Variants in DIP2C observed in about 807,000 individuals in gnomAD.
The protein encoded by DIP2C is disco-interacting protein 2 homolog C.
DIP2C carries 33 observed loss-of-function variants against 192.4 expected under a neutral mutation model. The ratio of observed to expected loss-of-function variants is 0.17; its 90% CI spans 0.13 to 0.23. The LOEUF (loss-of-function observed/expected upper bound fraction) is 0.23. Ranked by LOEUF, DIP2C falls within the 10% of genes least tolerant of loss-of-function variation. The probability of loss-of-function intolerance (pLI) is 1.00; values close to 1 mark genes in which losing one functional copy is unlikely to be tolerated. For missense variants in DIP2C, 1,537 were observed against 2,110.1 expected, an observed-to-expected ratio of 0.73 and a Z score of 5.32; for synonymous variants, 979 against 864.1, an observed-to-expected ratio of 1.13 and a Z score of -2.33.
chr10:477,036 C>T (rs1843084858), intron 2 of DIP2C, among the ~76,000 whole-genome samples: 1 of 149,536 alleles, frequency 6.7e-6, no homozygotes, highest in Non-Finnish European at 1.5e-5. Flanking sequence ...ACGTCAGTGA[C>T]ATTTTTACTT....
chr10:345,094 C>G lies in DIP2C; in HGVS notation c.3248G>C (p.Cys1083Ser). Residue 1083 changes from cysteine to serine, a missense_variant, in exon 27 of 37, where the codon TGT (cysteine) becomes TCT (serine). Transcript: ENST00000280886. ...ACAGATCAGCTGTGTCGTCATCAGA[C>G]AGGCAGAGCGACTCACCTGGCATCA... Reference protein sequence around the residue: ...KMIVEVSRSACLMTTQLICKL... With the variant: ...KMIVEVSRSASLMTTQLICKL... 3.1e-6 allele frequency: 5 copies of G among 1,612,528 alleles called. No homozygotes were observed. Among genetic ancestry groups the G allele is most frequent in the Non-Finnish European group, 4.2e-6 (5 of 1,179,826 alleles).
In DIP2C at chr10:443,206, C is replaced by T. The variant is rs1244496733; in HGVS notation, c.269-2210G>A. On this transcript the variant is annotated intron_variant, in intron 3 of 36. Transcript: ENST00000280886. Reference sequence around the variant, plus strand: ...ACTATGTACATATTCTGTTTTTCATCGATCCTTCACTACTAGTTTTAGCAT... The same window carrying T: ...ACTATGTACATATTCTGTTTTTCATTGATCCTTCACTACTAGTTTTAGCAT... Among the ~76,000 whole-genome samples, 8 of 152,180 alleles carry T rather than the reference C, an allele frequency of 5.3e-5. No homozygotes were observed. The East Asian group carries it at 1.5e-3, about 29-fold the overall frequency.
intron 1 of DIP2C, among the ~76,000 whole-genome samples, chr10:551,428 C>T (rs1848581285): frequency 1.3e-5 from 2 of 152,178 alleles, no homozygotes; most frequent in South Asian, 4.1e-4. Flanking sequence ...GGCTGCAGGT[C>T]TGCACTCGGC....
intron 32 of DIP2C, among the ~76,000 whole-genome samples, chr10:300,505 TAG>T (rs1955975232): frequency 6.6e-6 from 1 of 151,034 alleles, no homozygotes; most frequent in Non-Finnish European, 1.5e-5. Flanking sequence ...GGATGGAGAG[TAG>T]AGATTTAATG....
At chr10:688,846 G>T (rs147699170) in intron 1 of DIP2C, among the ~76,000 whole-genome samples, 42 of 152,330 alleles carry the variant, frequency 2.8e-4, no homozygotes, top group Middle Eastern at 6.8e-3. Flanking sequence ...GGGGGAGGTT[G>T]ACGATTCCGC....
Position 651,171 on chromosome 10 carries a change from T to C in DIP2C, c.85+38323A>G. On this transcript the variant is annotated intron_variant, in intron 1 of 36. Coordinates refer to ENST00000280886, the MANE Select transcript of DIP2C (RefSeq NM_014974.3). This position sits in a 1 kb window ranked among gnomAD's most constrained non-coding sequence, Gnocchi z 4.1. ...TCAGGGGCACCTCCACCTGCCCAGG[T>C]CTGGGACCACCGTCCTCCACGCATA... 1.4e-6 allele frequency: 1 copy of C among 717,496 alleles called. No individual in the cohort carries two copies. 44.4% of individuals were successfully genotyped at this position (717,496 alleles called of 1,614,324 possible).
At chr10:384,239 G>C in intron 15 of DIP2C, 93 bp from the exon 16 acceptor site, 2 of 1,177,504 alleles carry the variant, frequency 1.7e-6, no homozygotes, top group Non-Finnish European at 2.3e-6. Context: ...GGGGAAGGGT[G>C]AAGAATCACT....
chr10:596,809 G>A (rs1385289416), intron 1 of DIP2C, among the ~76,000 whole-genome samples: 1 of 152,200 alleles, frequency 6.6e-6, no homozygotes, highest in East Asian at 1.9e-4. Context: ...CTGGGGTGGT[G>A]GGGAGCCTGT....
intron 1 of DIP2C, among the ~76,000 whole-genome samples, chr10:583,334 A>AT (rs965472504): frequency 2.6e-5 from 4 of 152,196 alleles, no homozygotes; most frequent in Middle Eastern, 3.2e-3. Context: ...AGTTGGGAAC[A>AT]TTTTTTTAAA....
chr10:631,430 G>A (rs775205358), intron 1 of DIP2C, among the ~76,000 whole-genome samples: 192 of 152,306 alleles, frequency 1.3e-3, no homozygotes, highest in African/African-American at 4.1e-3. Context: ...AAGAACATCC[G>A]TCCGCAGGGA....
At chr10:383,692 A>C (rs1962591368) in intron 16 of DIP2C, among the ~76,000 whole-genome samples, 1 of 152,150 alleles carries the variant, frequency 6.6e-6, no homozygotes, top group Non-Finnish European at 1.5e-5. Context: ...AAAATTTATG[A>C]CTTAAGCACC....
Position 516,864 on chromosome 10 carries a change from C to A in DIP2C, c.86-30334G>T, listed in dbSNP as rs560929651. 3.6e-5 allele frequency among the ~76,000 whole-genome samples: 3 copies of A among 83,512 alleles called. 1 individual carries two copies. The highest frequency in any genetic ancestry group is 7.0e-5 in the Non-Finnish European group (3 of 42,668). The allele number at this position is 83,512 out of a possible 152,430, so 54.8% of individuals were successfully genotyped here. A position where few individuals can be genotyped will look rare whatever the true frequency, so the allele number is the denominator to read the frequency against. ...GACAGGGGGATGGGGGAGGGGGATG[C>A]GCAGGTGCCTGCTGTGCATGGAACC... On this transcript the variant is annotated intron_variant, in intron 1 of 36. Coordinates refer to ENST00000280886, the MANE Select transcript of DIP2C (RefSeq NM_014974.3).
intron 2 of DIP2C, among the ~76,000 whole-genome samples, chr10:477,780 G>A (rs1230531595): frequency 7.1e-6 from 1 of 140,466 alleles, no homozygotes; most frequent in African/African-American, 2.7e-5. Context: ...GGAAAAGAAG[G>A]AGAGAGAAAG....
chr10:301,120 C>G (rs560954365), intron 32 of DIP2C, among the ~76,000 whole-genome samples: 1 of 152,044 alleles, frequency 6.6e-6, no homozygotes, highest in Non-Finnish European at 1.5e-5. Context: ...GTGGCCTTGC[C>G]GGGTGCCACC....
intron 1 of DIP2C, among the ~76,000 whole-genome samples, chr10:522,005 C>T (rs754056245): frequency 2.0e-5 from 3 of 152,056 alleles, no homozygotes; most frequent in African/African-American, 4.8e-5. Flanking sequence ...GTTTCACAGA[C>T]GTGGAACAGC....
At chr10:292,389 G>A (rs1230814161) in intron 32 of DIP2C, among the ~76,000 whole-genome samples, 2 of 152,174 alleles carry the variant, frequency 1.3e-5, no homozygotes, top group African/African-American at 4.8e-5. Flanking sequence ...TATAAATCTT[G>A]GACTTGCGGG....
intron 1 of DIP2C, among the ~76,000 whole-genome samples, chr10:583,979 G>C (rs1267637417): frequency 2.6e-5 from 4 of 152,162 alleles, no homozygotes; most frequent in African/African-American, 4.8e-5. Context: ...AGGCGCGGGG[G>C]CCAGGGTGCT....
chr10:302,823 T>C (rs915006287), intron 32 of DIP2C, among the ~76,000 whole-genome samples: 3 of 152,204 alleles, frequency 2.0e-5, no homozygotes, highest in Non-Finnish European at 4.4e-5. Flanking sequence ...AACTTACCCA[T>C]AAACAGAGCT....
chr10:318,208 C>T (rs1211147246), intron 31 of DIP2C, among the ~76,000 whole-genome samples: 2 of 152,208 alleles, frequency 1.3e-5, no homozygotes, highest in Non-Finnish European at 2.9e-5. Flanking sequence ...AACCGTCCTC[C>T]TGTATCGGGA....
Sources: allele counts gnomAD v4.1 joint callset (sites outside exome capture counted in the v4.1 genomes callset), GRCh38; gene constraint gnomAD v4.1.1; non-coding constraint Gnocchi (gnomAD v3.1); transcripts MANE v1.5; gene names NCBI Gene and HGNC (gene_info 2026-07-23, HGNC 2026-07-21).